Variants in FERRY3 observed in about 807,000 individuals in gnomAD.
The protein encoded by FERRY3 is FERRY endosomal RAB5 effector complex subunit 3.
chr12:4,537,577 T>TA, the FERRY3 span, among the ~76,000 whole-genome samples: 963 of 152,108 alleles, frequency 6.3e-3, 5 homozygotes, highest in Non-Finnish European at 9.0e-3. Flanking sequence ...ACCTGAAATA[T>TA]AAAAAAAACT....
the FERRY3 span, chr12:4,518,391 C>A: frequency 1.4e-6 from 1 of 704,336 alleles, no homozygotes; most frequent in East Asian, 2.6e-5. Flanking sequence ...TTGCAACTTC[C>A]CATTTTAATG....
chr12:4,489,906 G>T, the FERRY3 span: 1 of 1,545,438 alleles, frequency 6.5e-7, no homozygotes, highest in South Asian at 1.2e-5. Context: ...TACTCTGTAA[G>T]ACGAAAAAAT....
chr12:4,534,414 T>TA, the FERRY3 span: 1 of 1,195,114 alleles, frequency 8.4e-7, no homozygotes, highest in Non-Finnish European at 1.1e-6. Flanking sequence ...TTTTATTTTT[T>TA]ATTTAGAGAT....
chr12:4,500,211 A>G, the FERRY3 span: 1 of 1,614,056 alleles, frequency 6.2e-7, no homozygotes, highest in South Asian at 1.1e-5. Context: ...AACTTTGAGT[A>G]TATTTCGGAG....
At chr12:4,492,549 C>A in the FERRY3 span, among the ~76,000 whole-genome samples, 23 of 152,298 alleles carry the variant, frequency 1.5e-4, no homozygotes, top group African/African-American at 5.1e-4. Context: ...ATTCTAATTG[C>A]CGTTTACCTA....
the FERRY3 span, chr12:4,517,282 A>G: frequency 7.4e-6 from 9 of 1,222,228 alleles, no homozygotes; most frequent in Non-Finnish European, 7.5e-6. Context: ...AAAGAAAATA[A>G]TACTTATTTT....
the FERRY3 span, among the ~76,000 whole-genome samples, chr12:4,519,690 C>T: frequency 3.9e-5 from 6 of 152,180 alleles, no homozygotes; most frequent in African/African-American, 1.4e-4. The surrounding 1 kb of genome is among the most constrained non-coding windows in gnomAD (Gnocchi z 4.3). Flanking sequence ...GGAACCGGGC[C>T]GCACAGCAGG....
At chr12:4,518,260 G>C in the FERRY3 span, 2 of 1,613,358 alleles carry the variant, frequency 1.2e-6, no homozygotes, top group African/African-American at 2.7e-5. Context: ...GGGCTCCTGG[G>C]GGTAGGCAAT....
At chr12:4,520,326 C>T in the FERRY3 span, among the ~76,000 whole-genome samples, 1 of 152,250 alleles carries the variant, frequency 6.6e-6, no homozygotes, top group South Asian at 2.1e-4. Context: ...TTGACCAAAC[C>T]GGGAGTGGAC....
the FERRY3 span, chr12:4,490,557 C>G: frequency 6.2e-7 from 1 of 1,610,072 alleles, no homozygotes; most frequent in East Asian, 2.2e-5. Context: ...CTAGAAATTC[C>G]TCCATCCCAT....
At chr12:4,511,894 C>G in the FERRY3 span, among the ~76,000 whole-genome samples, 1 of 106,060 alleles carries the variant, frequency 9.4e-6, no homozygotes, top group African/African-American at 4.9e-5. Context: ...AAAATCAGAG[C>G]AGAACTGAAG....
chr12:4,502,583 C>T, the FERRY3 span: 11 of 348,922 alleles, frequency 3.2e-5, no homozygotes, highest in Non-Finnish European at 5.5e-5. The surrounding 1 kb of genome is among the most constrained non-coding windows in gnomAD (Gnocchi z 4.2). Context: ...TAGGAAAGGT[C>T]TGCGTATCTC....
At chr12:4,537,144 T>C in the FERRY3 span, among the ~76,000 whole-genome samples, 1 of 152,222 alleles carries the variant, frequency 6.6e-6, no homozygotes, top group Non-Finnish European at 1.5e-5. Flanking sequence ...CATTCTGAAC[T>C]TCTGTCAACA....
the FERRY3 span, among the ~76,000 whole-genome samples, chr12:4,519,228 A>T: frequency 1.1e-4 from 17 of 152,230 alleles, no homozygotes; most frequent in African/African-American, 4.1e-4. The surrounding 1 kb of genome is among the most constrained non-coding windows in gnomAD (Gnocchi z 4.3). Context: ...TATATAATAC[A>T]TCCTATACCA....
the FERRY3 span, chr12:4,488,883 T>C: frequency 1.3e-5 from 2 of 152,118 alleles, no homozygotes; most frequent in East Asian, 3.8e-4. The surrounding 1 kb of genome is among the most constrained non-coding windows in gnomAD (Gnocchi z 4.9). Flanking sequence ...ATATATGATA[T>C]GTAGCACCTG....
At chr12:4,497,242 T>A in the FERRY3 span, among the ~76,000 whole-genome samples, 3 of 152,104 alleles carry the variant, frequency 2.0e-5, no homozygotes, top group Non-Finnish European at 4.4e-5. Context: ...TATGGATAGA[T>A]CTCACAAACA....
the FERRY3 span, among the ~76,000 whole-genome samples, chr12:4,503,974 C>T: frequency 3.4e-4 from 52 of 152,218 alleles, no homozygotes; most frequent in African/African-American, 1.0e-3. Context: ...AAGAGAAATA[C>T]AATAGATCCT....
At chr12:4,500,986 TG>T in the FERRY3 span, among the ~76,000 whole-genome samples, 2 of 152,230 alleles carry the variant, frequency 1.3e-5, no homozygotes, top group African/African-American at 4.8e-5. Flanking sequence ...AAAGGTTACT[TG>T]TTTTTTACGT....
At chr12:4,528,941 AC>A in the FERRY3 span, among the ~76,000 whole-genome samples, 52 of 121,718 alleles carry the variant, frequency 4.3e-4, no homozygotes, top group African/African-American at 1.5e-3. Flanking sequence ...ACACACACAA[AC>A]AAAAGTGATT....
Sources: gnomAD v4.1 joint callset for allele counts (sites outside exome capture counted in the v4.1 genomes callset) on GRCh38, gnomAD v4.1.1 for gene constraint, Gnocchi (gnomAD v3.1) non-coding constraint, MANE v1.5 for transcripts, NCBI Gene and HGNC (gene_info 2026-07-23, HGNC 2026-07-21) for gene names.